LARGE1: variants seen among roughly 807,000 people sequenced by gnomAD.
LARGE1 encodes the protein LARGE xylosyl- and glucuronyltransferase 1.
Under a neutral mutation model 87.6 loss-of-function variants are expected in LARGE1, and 43 were observed. That is an observed-to-expected ratio of 0.49 (90% CI 0.38 to 0.63). The LOEUF is 0.63. Among genes scored for constraint, LARGE1 ranks in the 30% least tolerant of loss-of-function variants. The probability of loss-of-function intolerance (pLI) is 0.00; values close to 1 mark genes in which losing one functional copy is unlikely to be tolerated. For synonymous variants in LARGE1, 434 were observed against 394.6 expected, an observed-to-expected ratio of 1.10 and a Z score of -1.18; for missense variants, 802 against 1,000.2, an observed-to-expected ratio of 0.80 and a Z score of 2.67.
chr22:33,694,136 T>G (rs1341126160), intron 2 of LARGE1, among the ~76,000 whole-genome samples: 4 of 152,200 alleles, frequency 2.6e-5, no homozygotes, highest in Non-Finnish European at 5.9e-5. Context: ...TGTTAGATGT[T>G]AGGAAAGAGC....
At chr22:33,565,250 T>C (rs1006068313) in intron 5 of LARGE1, among the ~76,000 whole-genome samples, 1 of 152,182 alleles carries the variant, frequency 6.6e-6, no homozygotes, top group Non-Finnish European at 1.5e-5. Context: ...GTAATAGTTA[T>C]GAAATAATTA....
At chr22:33,117,830 A>G in the LARGE1 span, among the ~76,000 whole-genome samples, 1 of 152,196 alleles carries the variant, frequency 6.6e-6, no homozygotes, top group African/African-American at 2.4e-5. Context: ...AAATCTCATT[A>G]TGTCTCTGTG....
chr22:33,683,852 G>C (rs1430562914), intron 2 of LARGE1, among the ~76,000 whole-genome samples: 2 of 152,114 alleles, frequency 1.3e-5, no homozygotes, highest in East Asian at 3.9e-4. Context: ...TGGAGCCCTT[G>C]ATGAAAAGCC....
intron 1 of LARGE1, among the ~76,000 whole-genome samples, chr22:33,833,838 C>T (rs1198638256): frequency 6.6e-6 from 1 of 152,116 alleles, no homozygotes; most frequent in Non-Finnish European, 1.5e-5. Flanking sequence ...CAGGCATGCG[C>T]CACCACGCCT....
intron 12 of LARGE1, among the ~76,000 whole-genome samples, chr22:33,289,221 G>C (rs1376563562): frequency 6.6e-6 from 1 of 152,170 alleles, no homozygotes; most frequent in Non-Finnish European, 1.5e-5. Context: ...GCCTCCCAAA[G>C]TGCTGGAATT....
rs917246646 is a variant in LARGE1 at position 33,856,748 on chromosome 22, C to T, written c.-83+63247G>A. 5.9e-5 allele frequency: 9 copies of T among 152,158 alleles called. No individual in the cohort carries two copies. The highest frequency in any genetic ancestry group is 2.2e-4 in the African/African-American group (9 of 41,434). The allele number at this position is 152,158 out of a possible 1,614,324, so 9.4% of individuals were successfully genotyped here. On this transcript the variant is annotated intron_variant, in intron 1 of 14. Transcript: ENST00000397394. ...AACGCTACACATCTTACCTGGCTCA[C>T]GACAGGTGCTTTACAAACGGCTGAT...
At chr22:33,216,826 A>G (rs1440625021) in intron 11 of LARGE1, among the ~76,000 whole-genome samples, 1 of 152,162 alleles carries the variant, frequency 6.6e-6, no homozygotes, top group Non-Finnish European at 1.5e-5. Flanking sequence ...GAAGAAAGAT[A>G]CATGCAGGAG....
At chr22:33,872,892 C>T (rs140801976) in intron 1 of LARGE1, among the ~76,000 whole-genome samples, 100 of 152,008 alleles carry the variant, frequency 6.6e-4, no homozygotes, top group African/African-American at 2.2e-3. Flanking sequence ...CCCAGCTACT[C>T]GGGAGGCTGA....
chr22:33,750,566 A>G (rs979145878), intron 2 of LARGE1: 2 of 147,072 alleles, frequency 1.4e-5, no homozygotes, highest in African/African-American at 5.4e-5. Context: ...ATCTTCCACA[A>G]TACAATAATA....
chr22:33,898,299 C>T (rs762250310), intron 1 of LARGE1, among the ~76,000 whole-genome samples: 1 of 151,450 alleles, frequency 6.6e-6, no homozygotes, highest in Non-Finnish European at 1.5e-5. Context: ...CCAAGTGCCC[C>T]GCCCCCCATC....
intron 6 of LARGE1, among the ~76,000 whole-genome samples, chr22:33,437,772 C>A (rs1421679186): frequency 6.6e-6 from 1 of 151,616 alleles, no homozygotes; most frequent in Non-Finnish European, 1.5e-5. Context: ...GAATGAAAGA[C>A]AAAAAAAACA....
chr22:33,111,921 G>T, the LARGE1 span, among the ~76,000 whole-genome samples: 1 of 152,180 alleles, frequency 6.6e-6, no homozygotes, highest in Middle Eastern at 3.2e-3. Flanking sequence ...TACAACTGAG[G>T]GAACAGACAG....
At chr22:33,233,626 G>C (rs992248715) in intron 11 of LARGE1, among the ~76,000 whole-genome samples, 3 of 152,108 alleles carry the variant, frequency 2.0e-5, no homozygotes, top group African/African-American at 7.2e-5. Flanking sequence ...ACAAGGGATG[G>C]GGGAGAGGGA....
At chr22:33,466,370 CCTCTCTCT>C (rs145185909) in intron 6 of LARGE1, among the ~76,000 whole-genome samples, 2 of 144,512 alleles carry the variant, frequency 1.4e-5, no homozygotes, top group Non-Finnish European at 3.0e-5. Context: ...TTTTCTCTTG[CCTCTCTCT>C]CTCTCTCTCT....
intron 2 of LARGE1, among the ~76,000 whole-genome samples, chr22:33,747,215 G>T (rs1235709817): frequency 1.3e-5 from 2 of 152,114 alleles, no homozygotes; most frequent in Non-Finnish European, 2.9e-5. Flanking sequence ...CCCGAGGAGA[G>T]GAGAGCAAGG....
At chr22:33,750,892 A>G (rs2084290309) in intron 2 of LARGE1, 1 of 152,220 alleles carries the variant, frequency 6.6e-6, no homozygotes. Flanking sequence ...AGCCAATGTC[A>G]TTACATAGAA....
chr22:33,787,082 T>C (rs2085672490), intron 1 of LARGE1, among the ~76,000 whole-genome samples: 1 of 152,070 alleles, frequency 6.6e-6, no homozygotes, highest in South Asian at 2.1e-4. Context: ...GTAATAGGTC[T>C]TCCCTCTCAG....
At chr22:33,826,793 G>A (rs1414109895) in intron 1 of LARGE1, among the ~76,000 whole-genome samples, 1 of 152,024 alleles carries the variant, frequency 6.6e-6, no homozygotes, top group Non-Finnish European at 1.5e-5. Flanking sequence ...TCAGGAATTG[G>A]AGCCTGTTAT....
intron 9 of LARGE1, among the ~76,000 whole-genome samples, chr22:33,351,375 G>A (rs1001368303): frequency 5.9e-5 from 9 of 152,194 alleles, no homozygotes; most frequent in African/African-American, 2.2e-4. Flanking sequence ...GTGTTCTGGG[G>A]TTTAAATGAA....
Sources: gnomAD v4.1 joint callset for allele counts (sites outside exome capture counted in the v4.1 genomes callset) on GRCh38, gnomAD v4.1.1 for gene constraint, MANE v1.5 for transcripts, NCBI Gene and HGNC (gene_info 2026-07-23, HGNC 2026-07-21) for gene names.